TSSC4: variants seen among roughly 807,000 people sequenced by gnomAD.
TSSC4 encodes U5 small nuclear ribonucleoprotein TSSC4.
For synonymous variants in TSSC4, 259 were observed against 197.9 expected, an observed-to-expected ratio of 1.31 and a Z score of -2.59; for missense variants, 500 against 443.9, an observed-to-expected ratio of 1.13 and a Z score of -1.14.
rs1304181902 is a variant in TSSC4, at chr11:2,402,795, G to C, written c.162G>C (p.Leu54=). 1 of 1,577,412 alleles carries C rather than the reference G, an allele frequency of 6.3e-7. No homozygotes were observed. The highest frequency in any genetic ancestry group is 8.6e-7 in the Non-Finnish European group (1 of 1,160,968). ...AEVEALSPMG[L]PGEEDSGPDE... ...TGGAAGCACTGTCCCCGATGGGGCT[G>C]CCTGGGGAGGAGGATTCAGGTCCTG... The change falls in exon 3 of 3, where the codon CTG becomes CTC. Residue 54 remains leucine, a synonymous_variant. Coordinates refer to ENST00000333256, the MANE Select transcript of TSSC4 (RefSeq NM_005706.4).
At position 2,402,465 on chromosome 11, in the gene TSSC4, T is replaced by G; in HGVS notation, c.-24+15T>G. ...AGCCAAGAGAGGTGAGAGGAGGGCT[T>G]GGAGGGGGAGGCGGGACTCCACCCT... On this transcript the variant is annotated intron_variant, in intron 2 of 2. Transcript: ENST00000333256. 1.4e-6 allele frequency: 1 copy of G among 703,376 alleles called. No homozygotes were observed. Among genetic ancestry groups the G allele is most frequent in the East Asian group, 2.8e-5 (1 of 35,626 alleles). 43.6% of individuals were successfully genotyped at this position (703,376 alleles called of 1,614,324 possible). A position where few individuals can be genotyped will look rare whatever the true frequency, so the allele number is the denominator to read the frequency against.
chr11:2,402,298 G>C lies in TSSC4; in HGVS notation c.-176G>C, dbSNP rs1850170417. ...CCCCACCCCACCCACCTGCAGTTGAGCAGCTGAACAGAGGCCATGCCGGGG... is the reference window on the plus strand; with the variant it reads ...CCCCACCCCACCCACCTGCAGTTGACCAGCTGAACAGAGGCCATGCCGGGG... On this transcript the variant is annotated 5_prime_UTR_variant, in exon 2 of 3. Transcript: ENST00000333256. 3.3e-6 allele frequency: 1 copy of C among 306,758 alleles called. No homozygotes were observed. The highest frequency in any genetic ancestry group is 6.6e-5 in the East Asian group (1 of 15,134). The allele number at this position is 306,758 out of a possible 1,614,324, so 19.0% of individuals were successfully genotyped here.
At position 2,403,473 on chromosome 11, in the gene TSSC4, G is replaced by C. The variant is rs1850238604; in HGVS notation, c.840G>C (p.Glu280Asp). The change falls in exon 3 of 3, where the codon GAG becomes GAC. Residue 280 changes from glutamate to aspartate, a missense_variant. Coordinates refer to ENST00000333256, the MANE Select transcript of TSSC4 (RefSeq NM_005706.4). ...GCAGCCACCATGGAGGCCTGCAGGA[G>C]GTGGAGGCACTGTCAGGGTCTGTCC... is the stretch of plus-strand genomic sequence containing the variant. ...EWGSHHGGLQ[E>D]VEALSGSVHS... is the part of the protein sequence containing the mutation. The C allele has an allele frequency of 1.3e-6, 2 of 1,599,656 alleles. No homozygotes were observed. Among genetic ancestry groups the C allele is most frequent in the African/African-American group, 2.7e-5 (2 of 74,754 alleles).
In TSSC4 at chr11:2,402,783, C is replaced by G; in HGVS notation, c.150C>G (p.Ser50=). The G allele has an allele frequency of 6.4e-7, 1 of 1,573,014 alleles. No homozygotes were observed. Among genetic ancestry groups the G allele is most frequent in the South Asian group, 1.2e-5 (1 of 86,358 alleles). ...GTGGTGCTGAAGTGGAAGCACTGTC[C>G]CCGATGGGGCTGCCTGGGGAGGAGG... ...LPGGAEVEAL[S]PMGLPGEEDS... The change falls in exon 3 of 3, where the codon TCC becomes TCG. Residue 50 remains serine (S), a synonymous_variant. Transcript: ENST00000333256.
chr11:2,403,491 G>A lies in TSSC4; in HGVS notation c.858G>A (p.Gly286=). ...GGLQEVEALS[G]SVHSGSVPGL... ...TGCAGGAGGTGGAGGCACTGTCAGGGTCTGTCCACAGTGGGTCTGTGCCAG... is the reference window on the plus strand; with the variant it reads ...TGCAGGAGGTGGAGGCACTGTCAGGATCTGTCCACAGTGGGTCTGTGCCAG... The change falls in exon 3 of 3, where the codon GGG becomes GGA. Residue 286 remains glycine (G), a synonymous_variant. Coordinates refer to ENST00000333256, the MANE Select transcript of TSSC4 (RefSeq NM_005706.4). 6.2e-7 allele frequency: 1 copy of A among 1,602,486 alleles called. No individual in the cohort carries two copies. The highest frequency in any genetic ancestry group is 8.5e-7 in the Non-Finnish European group (1 of 1,174,074).
chr11:2,403,546 C>T lies in TSSC4; in HGVS notation c.913C>T (p.His305Tyr). The part of the protein sequence containing the change: ...GLPPVETVGF[H>Y]GSRKRSRDHF... ...CCCGCCGGTGGAAACTGTTGGCTTC[C>T]ATGGCAGCAGGAAGCGGAGTCGAGA... The change falls in exon 3 of 3, where the codon CAT becomes TAT. Residue 305 changes from histidine to tyrosine, a missense_variant. Physicochemically the swap from His to Tyr is moderately conservative, Grantham distance 83. Coordinates refer to ENST00000333256, the MANE Select transcript of TSSC4 (RefSeq NM_005706.4). 6.3e-7 allele frequency: 1 copy of T among 1,587,612 alleles called. No individual in the cohort carries two copies. Among genetic ancestry groups the T allele is most frequent in the Non-Finnish European group, 8.6e-7 (1 of 1,168,184 alleles).
Position 2,403,515 on chromosome 11 carries a change from A to G in TSSC4, c.882A>G (p.Pro294=), listed in dbSNP as rs769473510. ...GGTCTGTCCACAGTGGGTCTGTGCC[A>G]GGTCTCCCGCCGGTGGAAACTGTTG... The part of the protein sequence containing the change: ...LSGSVHSGSV[P]GLPPVETVGF... The change falls in exon 3 of 3, where the codon CCA becomes CCG. Residue 294 remains proline (P), a synonymous_variant. Transcript: ENST00000333256. 3.1e-6 allele frequency: 5 copies of G among 1,596,808 alleles called. No individual in the cohort carries two copies. In the Admixed American group the frequency reaches 8.7e-5, roughly 28 times the overall value.
rs201920840 is a variant in TSSC4 at position 2,402,955 on chromosome 11, C to T, written c.322C>T (p.Pro108Ser). 143 of 1,610,634 alleles carry T rather than the reference C, an allele frequency of 8.9e-5. No individual in the cohort carries two copies. Among genetic ancestry groups the T allele is most frequent in the Non-Finnish European group, 7.0e-5 (83 of 1,179,098 alleles). Residue 108 changes from proline (P) to serine (S), a missense_variant, in exon 3 of 3, where the codon CCA (proline) becomes TCA (serine). Transcript: ENST00000333256. ...DCLEGAARRA[P>S]SSVAHTSMSD... Reference sequence around the variant, plus strand: ...CCTGGAGGGGGCGGCCAGACGGGCTCCATCCTCTGTGGCCCACACCAGCAT... The same window carrying T: ...CCTGGAGGGGGCGGCCAGACGGGCTTCATCCTCTGTGGCCCACACCAGCAT...
chr11:2,402,482 C>A (rs1176161287), intron 2 of TSSC4, 32 bp downstream of exon 2: 2 of 848,212 alleles, frequency 2.4e-6, no homozygotes, highest in Non-Finnish European at 3.5e-6. Context: ...GGAGGCGGGA[C>A]TCCACCCTGT....
chr11:2,403,243 G>C lies in TSSC4; in HGVS notation c.610G>C (p.Asp204His). The change falls in exon 3 of 3, where the codon GAT (aspartate) becomes CAT (histidine). Residue 204 changes from aspartate to histidine, a missense_variant. Physicochemically the swap from Asp to His is moderately conservative, Grantham distance 81. Transcript: ENST00000333256. ...PTDCVSSFNQ[D>H]PSSCGEGRVI... ...TGACTGCGTGTCCTCCTTCAACCAG[G>C]ATCCCTCCAGCTGTGGGGAGGGGAG... 1 of 1,612,898 alleles carries C rather than the reference G, an allele frequency of 6.2e-7. No individual in the cohort carries two copies. The highest frequency in any genetic ancestry group is 8.5e-7 in the Non-Finnish European group (1 of 1,179,944).
At chr11:2,401,525 C>G (rs905628350) in intron 1 of TSSC4, 1 of 152,270 alleles carries the variant, frequency 6.6e-6, no homozygotes, top group Non-Finnish European at 1.5e-5. Context: ...CACTAAGAGC[C>G]CCTGATAGTA....
At chr11:2,402,040 C>T (rs1850160864) in intron 1 of TSSC4, 3 of 152,530 alleles carry the variant, frequency 2.0e-5, no homozygotes, top group African/African-American at 4.8e-5. Flanking sequence ...TATAAGTGGC[C>T]CTCCTGCCTG....
chr11:2,403,518 T>C lies in TSSC4; in HGVS notation c.885T>C (p.Gly295=). 6.3e-7 allele frequency: 1 copy of C among 1,595,016 alleles called. No homozygotes were observed. Among genetic ancestry groups the C allele is most frequent in the Non-Finnish European group, 8.5e-7 (1 of 1,170,828 alleles). The change falls in exon 3 of 3, where the codon GGT becomes GGC. Residue 295 remains glycine (G), a synonymous_variant. Coordinates refer to ENST00000333256, the MANE Select transcript of TSSC4 (RefSeq NM_005706.4). ...CTGTCCACAGTGGGTCTGTGCCAGG[T>C]CTCCCGCCGGTGGAAACTGTTGGCT... ...SGSVHSGSVP[G]LPPVETVGFH...
At position 2,402,246 on chromosome 11, in the gene TSSC4, A is replaced by G. The variant is rs374513668; in HGVS notation, c.-180-48A>G. ...TGCCCGGCACCTGTTTCACACATGT[A>G]CACTCCGGTCTGAGGTTGGTCCTCT... On this transcript the variant is annotated intron_variant, in intron 1 of 2. Coordinates refer to ENST00000333256, the MANE Select transcript of TSSC4 (RefSeq NM_005706.4). 423 of 226,312 alleles carry G rather than the reference A, an allele frequency of 1.9e-3. 10 individuals carry two copies. The South Asian group carries it at 0.028, about 15-fold the overall frequency. 14.0% of individuals were successfully genotyped at this position (226,312 alleles called of 1,614,324 possible).
In TSSC4 at chr11:2,403,534, A is replaced by G. The variant is rs1850243401; in HGVS notation, c.901A>G (p.Thr301Ala). The G allele has an allele frequency of 6.3e-7, 1 of 1,593,198 alleles. No homozygotes were observed. The highest frequency in any genetic ancestry group is 8.5e-7 in the Non-Finnish European group (1 of 1,170,914). ...GSVPGLPPVE[T>A]VGFHGSRKRS... ...TGTGCCAGGTCTCCCGCCGGTGGAA[A>G]CTGTTGGCTTCCATGGCAGCAGGAA... Residue 301 changes from threonine to alanine, a missense_variant, in exon 3 of 3, where the codon ACT becomes GCT. Physicochemically the swap from Thr to Ala is moderately conservative, Grantham distance 58 (BLOSUM62 0). Coordinates refer to ENST00000333256, the MANE Select transcript of TSSC4 (RefSeq NM_005706.4).
rs2234274 is a variant in TSSC4, at chr11:2,401,631, T to C, written c.-180-663T>C. 1.5e-3 allele frequency: 229 copies of C among 152,662 alleles called. 8 individuals are homozygous for C. The South Asian group carries it at 0.041, about 27-fold the overall frequency. The allele number at this position is 152,662 out of a possible 1,614,324, so 9.5% of individuals were successfully genotyped here. A position where few individuals can be genotyped will look rare whatever the true frequency, so the allele number is the denominator to read the frequency against. On this transcript the variant is annotated intron_variant, in intron 1 of 2. Transcript: ENST00000333256. ...GGAGAGGAGTCGGTGGATGGATGGC[T>C]GAGGACAGTGCAGAAGGGTGTGGCT...
Position 2,401,063 on chromosome 11 carries a change from T to C in TSSC4, c.-181+265T>C, listed in dbSNP as rs148275197. 7.4e-3 allele frequency: 1,130 copies of C among 152,066 alleles called. 7 individuals are homozygous for C. The highest frequency in any genetic ancestry group is 0.012 in the Non-Finnish European group (790 of 67,998). 9.4% of individuals were successfully genotyped at this position (152,066 alleles called of 1,614,324 possible). A position where few individuals can be genotyped will look rare whatever the true frequency, so the allele number is the denominator to read the frequency against. ...GGCGGGGAGGTCTTGCTGGCACATATAGTGGAGAAAGGCCGGGCTCTGCGT... is the reference window on the plus strand; with the variant it reads ...GGCGGGGAGGTCTTGCTGGCACATACAGTGGAGAAAGGCCGGGCTCTGCGT... On this transcript the variant is annotated intron_variant, in intron 1 of 2. Coordinates refer to ENST00000333256, the MANE Select transcript of TSSC4 (RefSeq NM_005706.4).
In TSSC4 at chr11:2,402,371, T is replaced by C; in HGVS notation, c.-103T>C. On this transcript the variant is annotated 5_prime_UTR_variant, in exon 2 of 3. Transcript: ENST00000333256. ...ACGCCTGTGCCGCTGAGGACCTTCA[T>C]CAGGGCTCCGTCCACTTGGCCCGCT... The C allele has an allele frequency of 2.0e-6, 1 of 508,630 alleles. No homozygotes were observed. Among genetic ancestry groups the C allele is most frequent in the African/African-American group, 1.9e-5 (1 of 51,892 alleles). The allele number at this position is 508,630 out of a possible 1,614,324, so 31.5% of individuals were successfully genotyped here.
chr11:2,402,783 C>T lies in TSSC4; in HGVS notation c.150C>T (p.Ser50=). The part of the protein sequence containing the change: ...LPGGAEVEAL[S]PMGLPGEEDS... Reference sequence around the variant, plus strand: ...GTGGTGCTGAAGTGGAAGCACTGTCCCCGATGGGGCTGCCTGGGGAGGAGG... The same window carrying T: ...GTGGTGCTGAAGTGGAAGCACTGTCTCCGATGGGGCTGCCTGGGGAGGAGG... The change falls in exon 3 of 3, where the codon TCC becomes TCT. Residue 50 remains serine (S), a synonymous_variant. Coordinates refer to ENST00000333256, the MANE Select transcript of TSSC4 (RefSeq NM_005706.4). 6.4e-7 allele frequency: 1 copy of T among 1,573,014 alleles called. No individual in the cohort carries two copies. Among genetic ancestry groups the T allele is most frequent in the Non-Finnish European group, 8.6e-7 (1 of 1,158,500 alleles).
Sources: gnomAD v4.1 joint callset for allele counts on GRCh38, gnomAD v4.1.1 for gene constraint, MANE v1.5 for transcripts, NCBI Gene and HGNC (gene_info 2026-07-23, HGNC 2026-07-21) for gene names.